SLC37A1: variants seen among roughly 807,000 people sequenced by gnomAD.
SLC37A1 encodes solute carrier family 37 member 1.
In SLC37A1, 49 loss-of-function variants were observed where a neutral mutation model predicts 75.3. The ratio of observed to expected loss-of-function variants is 0.65; its 90% CI spans 0.52 to 0.83. The LOEUF (loss-of-function observed/expected upper bound fraction) is 0.83. Among genes scored for constraint, SLC37A1 ranks in the 40% least tolerant of loss-of-function variants. The pLI is 0.00. For missense variants in SLC37A1, 566 were observed against 695.0 expected (o/e 0.81, Z 2.09); for synonymous variants, 268 against 292.1 (o/e 0.92, Z 0.84).
intron 3 of SLC37A1, among the ~76,000 whole-genome samples, chr21:42,528,591 C>T (rs969422152): frequency 3.3e-5 from 5 of 152,028 alleles, no homozygotes; most frequent in African/African-American, 7.2e-5. Flanking sequence ...TTTGGGAGGC[C>T]GAGGTGGGCG....
chr21:42,520,837 G>A (rs1194397212), intron 2 of SLC37A1, among the ~76,000 whole-genome samples: 1 of 152,196 alleles, frequency 6.6e-6, no homozygotes, highest in Non-Finnish European at 1.5e-5. Flanking sequence ...GATGAGCCCA[G>A]AACATCTTGT....
At position 42,537,098 on chromosome 21, in the gene SLC37A1, G is replaced by A. The variant is rs987408385; in HGVS notation, c.350+1548G>A. Among the ~76,000 whole-genome samples the A allele has an allele frequency of 6.6e-5, 10 of 152,226 alleles. No individual in the cohort carries two copies. The East Asian group carries it at 1.3e-3, about 20-fold the overall frequency. ...ATCAAGACCTGGGCCCCCCTACCCC[G>A]CTCAGAGCCCTGGTGGGTGGTTGGT... On this transcript the variant is annotated intron_variant, in intron 5 of 19. Coordinates refer to ENST00000352133, the MANE Select transcript of SLC37A1 (RefSeq NM_001320537.2).
chr21:42,502,086 T>A (rs981516377), intron 1 of SLC37A1, among the ~76,000 whole-genome samples: 1 of 152,258 alleles, frequency 6.6e-6, no homozygotes, highest in Non-Finnish European at 1.5e-5. Context: ...ATGTAACGTG[T>A]ATATTTAGCT....
intron 17 of SLC37A1, among the ~76,000 whole-genome samples, chr21:42,573,097 C>T (rs1458826553): frequency 6.6e-6 from 1 of 152,088 alleles, no homozygotes; most frequent in Non-Finnish European, 1.5e-5. Flanking sequence ...GATCCCCTGT[C>T]GCCTGTTAGG....
intron 2 of SLC37A1, among the ~76,000 whole-genome samples, chr21:42,504,680 C>T (rs1022594608): frequency 3.3e-5 from 5 of 152,184 alleles, no homozygotes; most frequent in Non-Finnish European, 5.9e-5. Flanking sequence ...TTAATTGACT[C>T]TAAAAGGGTT....
intron 11 of SLC37A1, 40 bp downstream of exon 11, chr21:42,559,129 C>T: frequency 6.3e-7 from 1 of 1,586,320 alleles, no homozygotes; most frequent in East Asian, 2.2e-5. Flanking sequence ...GAAAGGGCTG[C>T]TGTGCTGGCT....
In SLC37A1 at chr21:42,557,784, C is replaced by CT. The variant is rs66963176; in HGVS notation, c.850-1162dup. Reference sequence around the variant, plus strand: ...GGAATGTGGAATACATTACCATTTTCTTTTTTTTTTTTAATTAAACTACAT... The same window carrying CT: ...GGAATGTGGAATACATTACCATTTTCTTTTTTTTTTTTTAATTAAACTACAT... On this transcript the variant is annotated intron_variant, in intron 10 of 19. Transcript: ENST00000352133. 4.2e-3 allele frequency among the ~76,000 whole-genome samples: 623 copies of CT among 149,036 alleles called. 6 individuals carry two copies. The highest frequency in any genetic ancestry group is 0.012 in the African/African-American group (484 of 40,534).
chr21:42,547,251 AG>A lies in SLC37A1; in HGVS notation c.768+112del. 7 of 1,161,178 alleles carry A rather than the reference AG, an allele frequency of 6.0e-6. No homozygotes were observed. Among genetic ancestry groups the A allele is most frequent in the Non-Finnish European group, 9.0e-6 (7 of 779,230 alleles). The allele number at this position is 1,161,178 out of a possible 1,614,324, so 71.9% of individuals were successfully genotyped here. On this transcript the variant is annotated intron_variant, in intron 9 of 19. Transcript: ENST00000352133. This position sits in a 1 kb window ranked among gnomAD's most constrained non-coding sequence, Gnocchi z 6.1. Reference sequence around the variant, plus strand: ...GACAGAAACACACAGGGTAGACAGAAGTCCCACCCTCAAAACATTGGCAGTT... The same window carrying A: ...GACAGAAACACACAGGGTAGACAGAATCCCACCCTCAAAACATTGGCAGTT...
intron 2 of SLC37A1, among the ~76,000 whole-genome samples, chr21:42,521,950 C>T (rs75169274): frequency 5.1e-4 from 77 of 152,330 alleles, no homozygotes; most frequent in African/African-American, 1.6e-3. Flanking sequence ...GTCAAAGTGT[C>T]AGCAGGGCCA....
chr21:42,543,207 T>C (rs770987438), intron 7 of SLC37A1, among the ~76,000 whole-genome samples: 21 of 152,240 alleles, frequency 1.4e-4, no homozygotes, highest in Non-Finnish European at 2.5e-4. Context: ...GAGTACAGAA[T>C]GCGCTCAGAG....
At chr21:42,554,550 G>A (rs1348890555) in intron 10 of SLC37A1, among the ~76,000 whole-genome samples, 1 of 152,210 alleles carries the variant, frequency 6.6e-6, no homozygotes. Flanking sequence ...GTGAGGGACT[G>A]GAGGGAGAGT....
intron 12 of SLC37A1, among the ~76,000 whole-genome samples, chr21:42,562,667 T>C (rs1437092569): frequency 2.4e-5 from 1 of 41,714 alleles, no homozygotes; most frequent in East Asian, 2.5e-4. Flanking sequence ...GCCAGTGAAA[T>C]AGTAACATGC....
intron 3 of SLC37A1, among the ~76,000 whole-genome samples, chr21:42,533,416 G>C (rs948642312): frequency 6.6e-6 from 1 of 152,218 alleles, no homozygotes; most frequent in Non-Finnish European, 1.5e-5. Flanking sequence ...GGGAGCGACA[G>C]AGGCCACCAG....
At chr21:42,565,999 T>A in intron 15 of SLC37A1, 124 bp downstream of exon 15, 2 of 938,416 alleles carry the variant, frequency 2.1e-6, no homozygotes, top group Non-Finnish European at 3.1e-6. Context: ...ATGGTGTGGC[T>A]AAAATTGTCC....
chr21:42,502,144 A>G (rs1449842052), intron 1 of SLC37A1, among the ~76,000 whole-genome samples: 1 of 152,254 alleles, frequency 6.6e-6, no homozygotes, highest in Non-Finnish European at 1.5e-5. Flanking sequence ...CATGCAAAAG[A>G]ACACATATTC....
chr21:42,554,448 C>T (rs539321629), intron 10 of SLC37A1, among the ~76,000 whole-genome samples: 133 of 152,252 alleles, frequency 8.7e-4, no homozygotes, highest in Non-Finnish European at 1.6e-3. Flanking sequence ...ATCCCCCAAG[C>T]GGTGCCAAGC....
chr21:42,553,665 C>A (rs1002872958), intron 9 of SLC37A1, among the ~76,000 whole-genome samples: 1 of 147,578 alleles, frequency 6.8e-6, no homozygotes, highest in Admixed American at 6.6e-5. Context: ...TCCCTAGAGA[C>A]GGTTTTTTTT....
chr21:42,526,387 T>C (rs1021207270), intron 3 of SLC37A1, among the ~76,000 whole-genome samples: 2 of 152,226 alleles, frequency 1.3e-5, no homozygotes, highest in African/African-American at 4.8e-5. Flanking sequence ...ATAATTTTCT[T>C]ACCCTCATTG....
At chr21:42,564,897 G>A (rs2055936081) in intron 14 of SLC37A1, 104 bp downstream of exon 14, 7 of 1,107,050 alleles carry the variant, frequency 6.3e-6, no homozygotes, top group Non-Finnish European at 9.1e-6. Flanking sequence ...CCACTTTCCT[G>A]ACAAGCCCGC....
Sources: gnomAD v4.1 joint callset for allele counts (sites outside exome capture counted in the v4.1 genomes callset) on GRCh38, gnomAD v4.1.1 for gene constraint, Gnocchi (gnomAD v3.1) non-coding constraint, MANE v1.5 for transcripts, NCBI Gene and HGNC (gene_info 2026-07-23, HGNC 2026-07-21) for gene names.